Variants in QTMAN observed in about 807,000 individuals in gnomAD.
QTMAN encodes the protein queuosine-tRNA mannosyltransferase.
the QTMAN span, among the ~76,000 whole-genome samples, chr2:144,320,833 C>T: frequency 6.6e-6 from 1 of 152,158 alleles, no homozygotes; most frequent in African/African-American, 2.4e-5. Context: ...TGTGAACAGT[C>T]TGCATATTCC....
At chr2:143,961,708 C>T in the QTMAN span, among the ~76,000 whole-genome samples, 1 of 152,074 alleles carries the variant, frequency 6.6e-6, no homozygotes, top group East Asian at 1.9e-4. Flanking sequence ...GATAAATGAT[C>T]TTGCCTTAAG....
At chr2:144,143,364 A>G in the QTMAN span, among the ~76,000 whole-genome samples, 1 of 151,992 alleles carries the variant, frequency 6.6e-6, no homozygotes, top group Non-Finnish European at 1.5e-5. Context: ...GCAGAACACC[A>G]CAGAATAAGT....
the QTMAN span, among the ~76,000 whole-genome samples, chr2:144,010,699 G>A: frequency 2.0e-5 from 3 of 151,966 alleles, no homozygotes; most frequent in Non-Finnish European, 4.4e-5. Context: ...GTTTAGAAGA[G>A]CAATAATAAT....
the QTMAN span, among the ~76,000 whole-genome samples, chr2:144,294,141 C>A: frequency 1.3e-5 from 2 of 152,238 alleles, no homozygotes; most frequent in South Asian, 2.1e-4. Flanking sequence ...GCCCTCCCTG[C>A]GCTATTTCTT....
At chr2:144,078,269 G>A in the QTMAN span, among the ~76,000 whole-genome samples, 1 of 152,200 alleles carries the variant, frequency 6.6e-6, no homozygotes, top group Non-Finnish European at 1.5e-5. Context: ...ATAGCAGAAT[G>A]TGAAGTATTA....
the QTMAN span, among the ~76,000 whole-genome samples, chr2:144,147,597 A>C: frequency 6.6e-6 from 1 of 151,830 alleles, no homozygotes; most frequent in Non-Finnish European, 1.5e-5. Flanking sequence ...CCCATCCCTG[A>C]CCATACATAC....
chr2:144,100,080 C>A, the QTMAN span, among the ~76,000 whole-genome samples: 1 of 152,284 alleles, frequency 6.6e-6, no homozygotes, highest in African/African-American at 2.4e-5. Flanking sequence ...TGCAAAAAGG[C>A]TTGTTGCTGA....
the QTMAN span, among the ~76,000 whole-genome samples, chr2:144,297,318 G>A: frequency 6.6e-6 from 1 of 151,908 alleles, no homozygotes; most frequent in South Asian, 2.1e-4. Context: ...GCTTGACCAC[G>A]GAGAAACAAT....
the QTMAN span, among the ~76,000 whole-genome samples, chr2:144,001,471 C>A: frequency 1.3e-5 from 2 of 151,840 alleles, no homozygotes; most frequent in Non-Finnish European, 2.9e-5. Context: ...ATGGAAAATG[C>A]TGCAAATACC....
the QTMAN span, among the ~76,000 whole-genome samples, chr2:144,048,660 T>C: frequency 6.6e-6 from 1 of 152,182 alleles, no homozygotes; most frequent in Non-Finnish European, 1.5e-5. Context: ...GATTTAACTT[T>C]ACTTCATTAG....
the QTMAN span, among the ~76,000 whole-genome samples, chr2:144,197,457 G>A: frequency 6.6e-6 from 1 of 151,976 alleles, no homozygotes; most frequent in Non-Finnish European, 1.5e-5. Flanking sequence ...AACTTAAAAT[G>A]CTGCCAAAAC....
chr2:144,105,972 T>C, the QTMAN span, among the ~76,000 whole-genome samples: 3 of 152,146 alleles, frequency 2.0e-5, no homozygotes, highest in African/African-American at 7.2e-5. Context: ...AAGAAAATAA[T>C]TTTCAACCCA....
At chr2:144,015,896 A>T in the QTMAN span, among the ~76,000 whole-genome samples, 1 of 152,188 alleles carries the variant, frequency 6.6e-6, no homozygotes, top group South Asian at 2.1e-4. Flanking sequence ...TAATCTGTAA[A>T]ATAGGATAGT....
At chr2:144,174,707 G>T in the QTMAN span, among the ~76,000 whole-genome samples, 1 of 152,128 alleles carries the variant, frequency 6.6e-6, no homozygotes, top group African/African-American at 2.4e-5. Context: ...AGATCTGATG[G>T]TCTTATAAAG....
the QTMAN span, among the ~76,000 whole-genome samples, chr2:144,021,618 T>C: frequency 1.8e-4 from 27 of 152,076 alleles, no homozygotes; most frequent in Non-Finnish European, 7.4e-5. Context: ...ACTGAGCAGA[T>C]GAATTAGTGA....
chr2:144,015,091 C>T, the QTMAN span, among the ~76,000 whole-genome samples: 5 of 152,014 alleles, frequency 3.3e-5, no homozygotes, highest in African/African-American at 4.8e-5. Flanking sequence ...GGATATATTC[C>T]TCCCACGCAG....
At chr2:143,945,853 A>G in the QTMAN span, 2 of 152,288 alleles carry the variant, frequency 1.3e-5, no homozygotes, top group Admixed American at 6.5e-5. Flanking sequence ...GAATGCAAAG[A>G]AAATCTTGGA....
At chr2:144,330,881 T>C in the QTMAN span, among the ~76,000 whole-genome samples, 21,051 of 152,204 alleles carry the variant, frequency 0.14, 2,585 homozygotes, top group African/African-American at 0.34. Flanking sequence ...GATTATACTG[T>C]TAATGTTCCT....
the QTMAN span, among the ~76,000 whole-genome samples, chr2:144,187,278 A>G: frequency 6.6e-6 from 1 of 152,212 alleles, no homozygotes; most frequent in Non-Finnish European, 1.5e-5. Context: ...TTCTGGTGAC[A>G]TAACATGGCT....
Sources: gnomAD v4.1 joint callset for allele counts (sites outside exome capture counted in the v4.1 genomes callset) on GRCh38, gnomAD v4.1.1 for gene constraint, MANE v1.5 for transcripts, NCBI Gene and HGNC (gene_info 2026-07-23, HGNC 2026-07-21) for gene names.